MAST2: variants seen among roughly 807,000 people sequenced by gnomAD.
The protein encoded by MAST2 is microtubule associated serine/threonine kinase 2.
MAST2 carries 70 observed loss-of-function variants against 147.4 expected under a neutral mutation model. The observed-to-expected ratio is 0.47, with a 90% confidence interval of 0.39 to 0.58. The LOEUF is 0.58. Ranked by LOEUF, MAST2 falls within the 20% of genes least tolerant of loss-of-function variation. The pLI is 0.00. For synonymous variants in MAST2, 869 were observed against 896.8 expected (o/e 0.97, Z 0.55); for missense variants, 2,080 against 2,302.3 (o/e 0.90, Z 1.98).
chr1:46,003,097 C>T (rs1382158503), intron 7 of MAST2, among the ~76,000 whole-genome samples: 1 of 152,194 alleles, frequency 6.6e-6, no homozygotes, highest in Non-Finnish European at 1.5e-5. Context: ...CCAGTGCCCT[C>T]TCTGGGAATC....
intron 4 of MAST2, among the ~76,000 whole-genome samples, chr1:45,947,767 A>C (rs1448843083): frequency 6.6e-6 from 1 of 152,190 alleles, no homozygotes; most frequent in Non-Finnish European, 1.5e-5. Flanking sequence ...CCCAAGCTGG[A>C]GTGTAGAGGG....
intron 10 of MAST2, among the ~76,000 whole-genome samples, chr1:46,012,964 A>C (rs1415568053): frequency 6.6e-6 from 1 of 151,952 alleles, no homozygotes; most frequent in Non-Finnish European, 1.5e-5. Flanking sequence ...TGGCAGATGA[A>C]TTTGAAGAGT....
At chr1:45,934,566 C>T (rs911322307) in intron 4 of MAST2, among the ~76,000 whole-genome samples, 1 of 152,194 alleles carries the variant, frequency 6.6e-6, no homozygotes, top group African/African-American at 2.4e-5. Context: ...GCTGGGATCA[C>T]AGGTGTGTGC....
At chr1:45,927,232 C>CGAAA (rs1291776091) in intron 4 of MAST2, among the ~76,000 whole-genome samples, 2 of 152,094 alleles carry the variant, frequency 1.3e-5, no homozygotes, top group East Asian at 3.9e-4. Flanking sequence ...AGGACCGAGG[C>CGAAA]GAAATTAAAA....
chr1:45,949,788 A>G (rs903592466), intron 4 of MAST2, among the ~76,000 whole-genome samples: 8 of 152,204 alleles, frequency 5.3e-5, no homozygotes, highest in African/African-American at 1.9e-4. Flanking sequence ...TTATAGCACT[A>G]TTCACATTAG....
chr1:46,007,625 T>G (rs1645540524), intron 8 of MAST2, among the ~76,000 whole-genome samples: 1 of 152,208 alleles, frequency 6.6e-6, no homozygotes. Flanking sequence ...TCAGGGGCAG[T>G]AAACTGGGCA....
At chr1:46,002,956 C>T in intron 7 of MAST2, 73 bp downstream of exon 7, 1 of 1,428,432 alleles carries the variant, frequency 7.0e-7, no homozygotes, top group Non-Finnish European at 9.9e-7. Flanking sequence ...TCTAGTGTCA[C>T]AAAATGGTTC....
intron 5 of MAST2, among the ~76,000 whole-genome samples, chr1:45,971,590 A>G (rs540910545): frequency 2.6e-5 from 4 of 152,278 alleles, no homozygotes; most frequent in East Asian, 1.9e-4. Flanking sequence ...TGTGCCTCCA[A>G]TACCCTCTAC....
intron 4 of MAST2, among the ~76,000 whole-genome samples, chr1:45,952,141 C>T (rs1350509089): frequency 6.6e-6 from 1 of 152,186 alleles, no homozygotes; most frequent in Non-Finnish European, 1.5e-5. Flanking sequence ...ACAGCAGCAG[C>T]ATCTATGATA....
intron 4 of MAST2, among the ~76,000 whole-genome samples, chr1:45,896,896 A>G (rs1459060178): frequency 1.3e-5 from 2 of 152,316 alleles, no homozygotes; most frequent in Non-Finnish European, 1.5e-5. Flanking sequence ...CCGGTTTGCA[A>G]GTTTCCTAAA....
At chr1:45,903,183 G>A (rs1462651470) in intron 4 of MAST2, among the ~76,000 whole-genome samples, 11 of 133,538 alleles carry the variant, frequency 8.2e-5, no homozygotes, top group African/African-American at 3.1e-4. Context: ...CAGGCTGGAT[G>A]CAGTGGCGTG....
chr1:45,810,457 G>A (rs1390853127), intron 1 of MAST2, among the ~76,000 whole-genome samples: 1 of 152,162 alleles, frequency 6.6e-6, no homozygotes, highest in Non-Finnish European at 1.5e-5. Context: ...TACGTTGAAG[G>A]TGTAAATGCT....
In MAST2 at chr1:46,022,973, T is replaced by G. The variant is rs752883348; in HGVS notation, c.1485+2T>G. 18 of 1,613,820 alleles carry G rather than the reference T, an allele frequency of 1.1e-5. No individual in the cohort carries two copies. Among genetic ancestry groups the G allele is most frequent in the Non-Finnish European group, 1.5e-5 (18 of 1,179,784 alleles). On this transcript the variant is annotated splice_donor_variant, in intron 13 of 28. Transcript: ENST00000361297. LOFTEE classifies it high-confidence loss of function. ...CCAGAGACAGATGATTCTATTGAGG[T>G]AAAAACCCTGAGCTCCTACCCCATT...
intron 3 of MAST2, among the ~76,000 whole-genome samples, chr1:45,846,211 T>A (rs897466714): frequency 3.9e-5 from 6 of 152,082 alleles, no homozygotes; most frequent in African/African-American, 1.4e-4. Flanking sequence ...CATTTTCCCT[T>A]ATGTTGTAAA....
intron 4 of MAST2, among the ~76,000 whole-genome samples, chr1:45,939,979 G>GTTTTT (rs148351945): frequency 3.5e-5 from 1 of 28,650 alleles, no homozygotes; most frequent in African/African-American, 1.8e-4. Context: ...ATTTATTTAG[G>GTTTTT]GTTTTTTTTT....
At chr1:45,859,868 T>C (rs1028841873) in intron 3 of MAST2, among the ~76,000 whole-genome samples, 2 of 152,216 alleles carry the variant, frequency 1.3e-5, no homozygotes, top group South Asian at 4.1e-4. Flanking sequence ...GTTTTATTCA[T>C]CTGTTCTTGG....
intron 3 of MAST2, among the ~76,000 whole-genome samples, chr1:45,842,533 T>G (rs777193715): frequency 6.6e-6 from 1 of 152,238 alleles, no homozygotes; most frequent in Non-Finnish European, 1.5e-5. Flanking sequence ...CTGGATATTT[T>G]ATATAAATAA....
At chr1:45,811,926 G>A (rs750318265) in intron 1 of MAST2, among the ~76,000 whole-genome samples, 2 of 152,044 alleles carry the variant, frequency 1.3e-5, no homozygotes, top group Non-Finnish European at 1.5e-5. Context: ...GAGCCACTGC[G>A]CCTGGCCTAA....
chr1:45,855,168 T>C (rs1395877555), intron 3 of MAST2, among the ~76,000 whole-genome samples: 1 of 152,184 alleles, frequency 6.6e-6, no homozygotes, highest in African/African-American at 2.4e-5. Context: ...ACAGCCTCCA[T>C]ACAGGAGCCC....
Sources: gnomAD v4.1 joint callset for allele counts (sites outside exome capture counted in the v4.1 genomes callset) on GRCh38, gnomAD v4.1.1 for gene constraint, MANE v1.5 for transcripts, NCBI Gene and HGNC (gene_info 2026-07-23, HGNC 2026-07-21) for gene names.